Variants in OSBPL1A observed in about 807,000 individuals in gnomAD.
OSBPL1A encodes the protein oxysterol binding protein like 1A.
In OSBPL1A, 80 loss-of-function variants were observed where a neutral mutation model predicts 137.1. The observed-to-expected ratio is 0.58, with a 90% CI of 0.49 to 0.70. The LOEUF is 0.70. Among genes scored for constraint, OSBPL1A ranks in the 30% least tolerant of loss-of-function variants. The pLI is 0.00. For missense variants in OSBPL1A, 970 were observed against 1,129.4 expected, an observed-to-expected ratio of 0.86 and a Z score of 2.02; for synonymous variants, 365 against 389.7, an observed-to-expected ratio of 0.94 and a Z score of 0.75.
intron 18 of OSBPL1A, among the ~76,000 whole-genome samples, chr18:24,185,645 C>T (rs539616860): frequency 5.9e-5 from 9 of 152,150 alleles, no homozygotes; most frequent in East Asian, 1.9e-4. Flanking sequence ...ACAAATGGGC[C>T]GCCCTGGTGA....
intron 14 of OSBPL1A, chr18:24,302,264 A>G (rs2090418162): frequency 6.6e-6 from 1 of 151,652 alleles, no homozygotes; most frequent in Admixed American, 6.6e-5. Flanking sequence ...GTTAATCATA[A>G]ACTCACAAAT....
At chr18:24,381,733 A>G (rs762392182) in intron 1 of OSBPL1A, among the ~76,000 whole-genome samples, 8 of 151,306 alleles carry the variant, frequency 5.3e-5, no homozygotes, top group Non-Finnish European at 1.2e-4. Context: ...CGAGGAGGGC[A>G]GATCACTTGA....
intron 14 of OSBPL1A, chr18:24,302,609 A>T (rs1349084345): frequency 6.6e-6 from 1 of 151,928 alleles, no homozygotes; most frequent in Non-Finnish European, 1.5e-5. Flanking sequence ...TTTAGTAGAA[A>T]CGGGGTTTCA....
At chr18:24,165,871 G>A (rs1033559392) in intron 26 of OSBPL1A, among the ~76,000 whole-genome samples, 2 of 152,224 alleles carry the variant, frequency 1.3e-5, no homozygotes, top group East Asian at 1.9e-4. Context: ...TGAGGTGGGC[G>A]GATCACCTGA....
At chr18:24,382,406 C>CAAAA (rs58654443) in intron 1 of OSBPL1A, among the ~76,000 whole-genome samples, 4 of 74,466 alleles carry the variant, frequency 5.4e-5, no homozygotes, top group African/African-American at 1.6e-4. Flanking sequence ...GACTCCGTCT[C>CAAAA]AAAAAAAAAA....
At chr18:24,268,095 T>C (rs1365474585) in intron 15 of OSBPL1A, among the ~76,000 whole-genome samples, 2 of 152,178 alleles carry the variant, frequency 1.3e-5, no homozygotes, top group Admixed American at 6.5e-5. Context: ...CTTCCTCTTA[T>C]GTCAAGCTTC....
At chr18:24,207,670 T>C (rs540563637) in intron 17 of OSBPL1A, among the ~76,000 whole-genome samples, 3 of 152,338 alleles carry the variant, frequency 2.0e-5, no homozygotes, top group African/African-American at 7.2e-5. Flanking sequence ...ATGTATACTG[T>C]TATACGTGTG....
intron 4 of OSBPL1A, among the ~76,000 whole-genome samples, chr18:24,349,318 A>C (rs1191624462): frequency 6.6e-6 from 1 of 152,220 alleles, no homozygotes; most frequent in Non-Finnish European, 1.5e-5. Context: ...AGAAAAAAAA[A>C]GTTTGAAAGA....
chr18:24,341,687 A>G (rs1272675733), intron 4 of OSBPL1A, 29 bp from the exon 5 acceptor site: 2 of 1,490,118 alleles, frequency 1.3e-6, no homozygotes, highest in East Asian at 2.3e-5. Context: ...ATTTTTAACT[A>G]TTAAGCTAAG....
intron 15 of OSBPL1A, among the ~76,000 whole-genome samples, chr18:24,241,185 C>T (rs1200319138): frequency 6.6e-6 from 1 of 152,098 alleles, no homozygotes; most frequent in Non-Finnish European, 1.5e-5. Flanking sequence ...AGAAGAAAAC[C>T]TAGGCAATAC....
At chr18:24,345,695 A>T (rs1417529277) in intron 4 of OSBPL1A, among the ~76,000 whole-genome samples, 1 of 152,172 alleles carries the variant, frequency 6.6e-6, no homozygotes, top group African/African-American at 2.4e-5. Context: ...CAAAAAAAAA[A>T]AGTAGTTGAT....
In OSBPL1A at chr18:24,358,968, G is replaced by A. The variant is rs140274150; in HGVS notation, c.282+7924C>T. 3.4e-4 allele frequency among the ~76,000 whole-genome samples: 51 copies of A among 152,238 alleles called. 1 individual carries two copies. In the East Asian group the frequency reaches 9.7e-3, roughly 29 times the overall value. ...ACGGTGGCTCATGCCTATAACCCCA[G>A]CACTTTGGGAGGCTAAGGCAGGCAG... is the stretch of plus-strand genomic sequence containing the variant. On this transcript the variant is annotated intron_variant, in intron 4 of 27. Transcript: ENST00000319481.
At chr18:24,178,774 C>A (rs765927427) in intron 20 of OSBPL1A, among the ~76,000 whole-genome samples, 1 of 152,102 alleles carries the variant, frequency 6.6e-6, no homozygotes, top group Non-Finnish European at 1.5e-5. Context: ...TAAAACACAT[C>A]ATTCCTTTTA....
intron 4 of OSBPL1A, among the ~76,000 whole-genome samples, chr18:24,362,809 A>G (rs1438281769): frequency 6.6e-6 from 1 of 152,254 alleles, no homozygotes; most frequent in African/African-American, 2.4e-5. Flanking sequence ...GCTGGACAAA[A>G]TTGTCAAAAC....
chr18:24,284,628 T>TA (rs35183077), intron 14 of OSBPL1A, among the ~76,000 whole-genome samples: 4 of 149,676 alleles, frequency 2.7e-5, no homozygotes, highest in African/African-American at 7.4e-5. Context: ...TATCCTAGTG[T>TA]AAAAAAAAAA....
chr18:24,367,082 CTAACAATAAATTAAATTTAAAG>C, intron 3 of OSBPL1A, 116 bp from the exon 4 acceptor site: 1 of 770,718 alleles, frequency 1.3e-6, no homozygotes, highest in East Asian at 3.2e-5. Context: ...GGTGTCAGTA[CTAACAATAAATTAAATTTAAAG>C]TAACAATAAA....
intron 7 of OSBPL1A, 96 bp downstream of exon 7, chr18:24,332,846 C>T: frequency 7.0e-7 from 1 of 1,426,002 alleles, no homozygotes; most frequent in Non-Finnish European, 9.6e-7. Context: ...TACAGTTTAA[C>T]AAAGGCTGGA....
intron 14 of OSBPL1A, among the ~76,000 whole-genome samples, chr18:24,300,961 C>T (rs768106065): frequency 2.8e-4 from 43 of 152,102 alleles, no homozygotes; most frequent in African/African-American, 6.0e-4. Flanking sequence ...CTCACCCTCC[C>T]GGGACTATAG....
Position 24,271,978 on chromosome 18 carries a change from G to A in OSBPL1A, c.1281+8864C>T. 2 of 981,794 alleles carry A rather than the reference G, an allele frequency of 2.0e-6. No individual in the cohort carries two copies. Among genetic ancestry groups the A allele is most frequent in the Non-Finnish European group, 2.4e-6 (2 of 828,666 alleles). The allele number at this position is 981,794 out of a possible 1,614,324, so 60.8% of individuals were successfully genotyped here. On this transcript the variant is annotated intron_variant, in intron 15 of 27. Transcript: ENST00000319481. This position sits in a 1 kb window ranked among gnomAD's most constrained non-coding sequence, Gnocchi z 4.0. ...CCGCCCTCCGGGGCTCGCGGGGAGAGCGCGGGCGGGCGGCGGCAAGGCCTG... is the reference window on the plus strand; with the variant it reads ...CCGCCCTCCGGGGCTCGCGGGGAGAACGCGGGCGGGCGGCGGCAAGGCCTG...
Sources: allele counts gnomAD v4.1 joint callset (sites outside exome capture counted in the v4.1 genomes callset), GRCh38; gene constraint gnomAD v4.1.1; non-coding constraint Gnocchi (gnomAD v3.1); transcripts MANE v1.5; gene names NCBI Gene and HGNC (gene_info 2026-07-23, HGNC 2026-07-21).